Variants in CNTNAP2 observed in about 807,000 individuals in gnomAD.
The protein encoded by CNTNAP2 is contactin associated protein 2, also known as contactin-associated protein-like 2.
A neutral mutation model predicts 155.2 loss-of-function variants in CNTNAP2; 98 were observed. That is an observed-to-expected ratio of 0.63 (90% CI 0.54 to 0.75). CNTNAP2 has a LOEUF of 0.75. Among genes scored for constraint, CNTNAP2 ranks in the 30% least tolerant of loss-of-function variants. The probability of loss-of-function intolerance (pLI) is 0.00; values close to 1 mark genes in which losing one functional copy is unlikely to be tolerated. For missense variants in CNTNAP2, 1,727 were observed against 1,688.1 expected, an observed-to-expected ratio of 1.02 and a Z score of -0.40; for synonymous variants, 651 against 631.2, an observed-to-expected ratio of 1.03 and a Z score of -0.47.
At chr7:147,071,973 G>A (rs955285261) in intron 4 of CNTNAP2, among the ~76,000 whole-genome samples, 1 of 152,054 alleles carries the variant, frequency 6.6e-6, no homozygotes, top group Non-Finnish European at 1.5e-5. Flanking sequence ...GCCTTTGTGG[G>A]GAGACTGACA....
intron 20 of CNTNAP2, among the ~76,000 whole-genome samples, chr7:148,252,414 C>T (rs1477689832): frequency 1.3e-5 from 2 of 152,142 alleles, no homozygotes; most frequent in African/African-American, 4.8e-5. Context: ...AATCTGAAGT[C>T]CTCCCTGGGA....
chr7:147,871,639 C>T (rs1207149048), intron 13 of CNTNAP2, among the ~76,000 whole-genome samples: 1 of 150,044 alleles, frequency 6.7e-6, no homozygotes, highest in East Asian at 1.9e-4. Flanking sequence ...CTTTATCCAC[C>T]CATTCTTCTC....
At chr7:147,013,911 A>ATT (rs1189415501) in intron 3 of CNTNAP2, among the ~76,000 whole-genome samples, 1 of 152,148 alleles carries the variant, frequency 6.6e-6, no homozygotes, top group African/African-American at 2.4e-5. Flanking sequence ...CTCTTCCGAC[A>ATT]TGCTTTGTGT....
At chr7:146,315,880 G>A (rs1009071217) in intron 1 of CNTNAP2, among the ~76,000 whole-genome samples, 13 of 152,094 alleles carry the variant, frequency 8.5e-5, no homozygotes, top group African/African-American at 2.9e-4. Flanking sequence ...ACATTCATCT[G>A]TTCTCTCTTT....
chr7:147,494,743 C>G (rs4725739), intron 11 of CNTNAP2, among the ~76,000 whole-genome samples: 43,641 of 151,684 alleles, frequency 0.29, 6,388 homozygotes, highest in East Asian at 0.43. Context: ...AAAGAGTCTA[C>G]TTTAATTTGA....
chr7:147,601,210 T>A (rs1282774107), intron 12 of CNTNAP2, among the ~76,000 whole-genome samples: 1 of 152,144 alleles, frequency 6.6e-6, no homozygotes, highest in Non-Finnish European at 1.5e-5. Context: ...TTCACTGGCG[T>A]CCCTGTGAAG....
intron 16 of CNTNAP2, among the ~76,000 whole-genome samples, chr7:148,123,079 G>A (rs143466321): frequency 3.3e-5 from 5 of 152,278 alleles, no homozygotes; most frequent in South Asian, 2.1e-4. Flanking sequence ...GTGGGCTATA[G>A]GAGGATCTAA....
At chr7:147,941,040 C>A (rs1258012957) in intron 14 of CNTNAP2, among the ~76,000 whole-genome samples, 2 of 152,296 alleles carry the variant, frequency 1.3e-5, no homozygotes, top group Non-Finnish European at 2.9e-5. Context: ...ATTATCCCAA[C>A]AATATTCTGG....
intron 15 of CNTNAP2, among the ~76,000 whole-genome samples, chr7:148,081,741 AAGG>A (rs1296156201): frequency 2.0e-5 from 3 of 152,144 alleles, no homozygotes; most frequent in Non-Finnish European, 4.4e-5. Context: ...GATGAATGGC[AAGG>A]AGAAGAAACA....
intron 1 of CNTNAP2, among the ~76,000 whole-genome samples, chr7:146,138,300 G>T (rs1797826836): frequency 1.3e-5 from 2 of 152,054 alleles, no homozygotes; most frequent in African/African-American, 4.8e-5. Flanking sequence ...ACACAGAAAG[G>T]TTGACAGCTC....
At chr7:146,497,370 A>G (rs1295935184) in intron 1 of CNTNAP2, among the ~76,000 whole-genome samples, 1 of 152,146 alleles carries the variant, frequency 6.6e-6, no homozygotes, top group Non-Finnish European at 1.5e-5. Context: ...AATTGAAGGT[A>G]ATGTATTTTC....
At chr7:146,539,809 A>G (rs5004611) in intron 1 of CNTNAP2, among the ~76,000 whole-genome samples, 11,063 of 152,186 alleles carry the variant, frequency 0.073, 1,317 homozygotes, top group African/African-American at 0.25. Context: ...AGAGTAAAAT[A>G]TTCCACAAAG....
chr7:146,502,090 C>A (rs1361604437), intron 1 of CNTNAP2, among the ~76,000 whole-genome samples: 2 of 151,656 alleles, frequency 1.3e-5, no homozygotes, highest in Non-Finnish European at 2.9e-5. Flanking sequence ...TGAGTGAGAA[C>A]ATGTGCTATT....
intron 19 of CNTNAP2, among the ~76,000 whole-genome samples, chr7:148,221,338 G>C (rs1014142022): frequency 6.6e-6 from 1 of 152,112 alleles, no homozygotes; most frequent in African/African-American, 2.4e-5. Flanking sequence ...CATGGAGGTT[G>C]AGTGCCTTGC....
intron 13 of CNTNAP2, among the ~76,000 whole-genome samples, chr7:147,895,669 T>C (rs1260870066): frequency 6.6e-6 from 1 of 152,208 alleles, no homozygotes. Flanking sequence ...AAGCTTTCCA[T>C]TTTTATTGCC....
chr7:147,378,281 TA>T (rs1253230232), intron 9 of CNTNAP2, among the ~76,000 whole-genome samples: 3 of 151,978 alleles, frequency 2.0e-5, no homozygotes, highest in Non-Finnish European at 4.4e-5. Flanking sequence ...TTTTTTTCTT[TA>T]AAAAAATTTA....
At chr7:147,789,797 T>C (rs1797792085) in intron 13 of CNTNAP2, among the ~76,000 whole-genome samples, 1 of 152,182 alleles carries the variant, frequency 6.6e-6, no homozygotes, top group South Asian at 2.1e-4. Context: ...TTCCTGCCCT[T>C]GAACATCAGA....
chr7:146,620,850 T>C (rs1446821197), intron 1 of CNTNAP2, among the ~76,000 whole-genome samples: 1 of 152,178 alleles, frequency 6.6e-6, no homozygotes, highest in Admixed American at 6.5e-5. Flanking sequence ...TGTAATTAAA[T>C]TGAATAATTT....
At chr7:147,066,051 A>G (rs1036820641) in intron 4 of CNTNAP2, among the ~76,000 whole-genome samples, 1 of 152,178 alleles carries the variant, frequency 6.6e-6, no homozygotes, top group Non-Finnish European at 1.5e-5. Flanking sequence ...AGAAACAAAA[A>G]ACCTTACAAG....
Sources: gnomAD v4.1 joint callset for allele counts (sites outside exome capture counted in the v4.1 genomes callset) on GRCh38, gnomAD v4.1.1 for gene constraint, MANE v1.5 for transcripts, NCBI Gene and HGNC (gene_info 2026-07-23, HGNC 2026-07-21) for gene names.